Variants in FAM193A observed in about 807,000 individuals in gnomAD.
FAM193A encodes family with sequence similarity 193 member A, also known as protein FAM193A.
Under a neutral mutation model 126.5 loss-of-function variants are expected in FAM193A, and 22 were observed. That is an observed-to-expected ratio of 0.17 (90% CI 0.12 to 0.25). The LOEUF (loss-of-function observed/expected upper bound fraction) is 0.25. Among genes scored for constraint, FAM193A ranks in the 10% least tolerant of loss-of-function variants. The probability of loss-of-function intolerance (pLI) is 1.00; values close to 1 mark genes in which losing one functional copy is unlikely to be tolerated. For missense variants in FAM193A, 1,675 were observed against 1,672.8 expected, an observed-to-expected ratio of 1.00 and a Z score of -0.02; for synonymous variants, 761 against 646.8, an observed-to-expected ratio of 1.18 and a Z score of -2.68.
chr4:2,613,981 A>G (rs1742039631), intron 2 of FAM193A, among the ~76,000 whole-genome samples: 1 of 147,528 alleles, frequency 6.8e-6, no homozygotes, highest in Non-Finnish European at 1.5e-5. Flanking sequence ...CACCATGTTG[A>G]CCAGGCTGGT....
chr4:2,686,385 G>T (rs1715743067), intron 13 of FAM193A, among the ~76,000 whole-genome samples: 1 of 152,188 alleles, frequency 6.6e-6, no homozygotes, highest in Admixed American at 6.5e-5. Context: ...CCCTGTGCTA[G>T]ACTCTAGGAA....
At chr4:2,630,855 C>T (rs2108997512) in intron 4 of FAM193A, 80 bp from the exon 5 acceptor site, 1 of 779,840 alleles carries the variant, frequency 1.3e-6, no homozygotes, top group Non-Finnish European at 2.1e-6. Flanking sequence ...TGTGGAAGGG[C>T]TTCAGAAAAG....
At chr4:2,622,428 C>T (rs761524425) in intron 2 of FAM193A, among the ~76,000 whole-genome samples, 4 of 152,010 alleles carry the variant, frequency 2.6e-5, no homozygotes, top group Non-Finnish European at 4.4e-5. Flanking sequence ...GGCACTGGAG[C>T]GGAGACTTGG....
At chr4:2,535,811 T>C (rs1449352783), upstream of FAM193A, among the ~76,000 whole-genome samples, 1 of 151,906 alleles carries the variant, frequency 6.6e-6, no homozygotes, top group African/African-American at 2.4e-5. Context: ...CTTAACGGGA[T>C]AGCAGGGAGA....
chr4:2,597,791 A>T (rs1379619852), intron 2 of FAM193A, among the ~76,000 whole-genome samples: 1 of 152,138 alleles, frequency 6.6e-6, no homozygotes, highest in Non-Finnish European at 1.5e-5. Flanking sequence ...TTTTTACTTA[A>T]AAAATGTTCA....
chr4:2,716,047 T>C lies in FAM193A; in HGVS notation c.4397T>C (p.Ile1466Thr), dbSNP rs756003825. 4 of 1,604,498 alleles carry C rather than the reference T, an allele frequency of 2.5e-6. No homozygotes were observed. The highest frequency in any genetic ancestry group is 2.6e-6 in the Non-Finnish European group (3 of 1,171,242). ...SIDDVFLPKD[I>T]DLDSVDMDET... ...GATGATGTCTTTCTACCTAAAGATA[T>C]TGACCTAGACAGTGTGGATATGGAT... The change falls in exon 20 of 21, where the codon ATT becomes ACT. Residue 1466 changes from isoleucine to threonine, a missense_variant. Physicochemically the swap from Ile to Thr is moderately conservative, Grantham distance 89. This residue lies in a region of FAM193A where 415 missense variants were observed against 396.7 expected (regional missense o/e 1.05). Coordinates refer to ENST00000637812, the MANE Select transcript of FAM193A (RefSeq NM_001366318.2).
chr4:2,621,718 G>A (rs551258919), intron 2 of FAM193A, among the ~76,000 whole-genome samples: 1 of 152,312 alleles, frequency 6.6e-6, no homozygotes, highest in East Asian at 1.9e-4. Flanking sequence ...GGAAGAATGG[G>A]TGGATTGTGG....
chr4:2,549,436 G>T (rs1416017170), intron 1 of FAM193A, among the ~76,000 whole-genome samples: 1 of 113,390 alleles, frequency 8.8e-6, no homozygotes, highest in Non-Finnish European at 1.7e-5. Flanking sequence ...TCGCTCTGTC[G>T]CCCAGGCTGG....
intron 7 of FAM193A, among the ~76,000 whole-genome samples, chr4:2,651,901 C>T (rs745454173): frequency 6.6e-6 from 1 of 152,092 alleles, no homozygotes. Context: ...GTCCAGACCC[C>T]GTGTAGATGT....
intron 19 of FAM193A, among the ~76,000 whole-genome samples, chr4:2,714,364 G>A (rs925074330): frequency 5.3e-5 from 8 of 152,216 alleles, no homozygotes; most frequent in Non-Finnish European, 1.2e-4. Flanking sequence ...TCACTCTCCA[G>A]TCACATCCGC....
intron 19 of FAM193A, among the ~76,000 whole-genome samples, chr4:2,705,219 T>C (rs1718174250): frequency 6.6e-6 from 1 of 152,220 alleles, no homozygotes; most frequent in South Asian, 2.1e-4. Flanking sequence ...CAAGAATTTT[T>C]TTATATGGTA....
intron 2 of FAM193A, among the ~76,000 whole-genome samples, chr4:2,615,580 G>C (rs927892018): frequency 6.6e-6 from 1 of 152,128 alleles, no homozygotes; most frequent in African/African-American, 2.4e-5. Flanking sequence ...GTGCAGTGGT[G>C]CGATCTCGGC....
In FAM193A at chr4:2,550,467, G is replaced by A. The variant is rs969447820; in HGVS notation, c.255+13297G>A. 1.3e-5 allele frequency among the ~76,000 whole-genome samples: 2 copies of A among 151,856 alleles called. 1 individual carries two copies. Among genetic ancestry groups the A allele is most frequent in the Admixed American group, 1.3e-4 (2 of 15,210 alleles). On this transcript the variant is annotated intron_variant, in intron 1 of 20. Coordinates refer to ENST00000637812, the MANE Select transcript of FAM193A (RefSeq NM_001366318.2). ...TTGTTTATTTTTGAGGCAGAGTTTC[G>A]CTCTTGGTGCCCAGGCTGCAGTGTA...
intron 5 of FAM193A, 45 bp downstream of exon 5, chr4:2,631,214 G>C: frequency 6.5e-7 from 1 of 1,548,884 alleles, no homozygotes; most frequent in Non-Finnish European, 8.8e-7. Flanking sequence ...ATGAGCTGAA[G>C]AGAAGCATGT....
intron 2 of FAM193A, among the ~76,000 whole-genome samples, chr4:2,597,352 GTTT>G (rs1025012611): frequency 6.6e-6 from 1 of 152,066 alleles, no homozygotes; most frequent in African/African-American, 2.4e-5. Flanking sequence ...TTTTTTGTTT[GTTT>G]TTTTACCAAT....
At chr4:2,623,263 G>A (rs191052821) in intron 2 of FAM193A, among the ~76,000 whole-genome samples, 12 of 151,964 alleles carry the variant, frequency 7.9e-5, no homozygotes, top group African/African-American at 1.2e-4. Context: ...CTCTGCCTTC[G>A]GGTTCAAGCA....
intron 1 of FAM193A, among the ~76,000 whole-genome samples, chr4:2,557,272 A>G (rs975408103): frequency 1.3e-5 from 2 of 152,160 alleles, no homozygotes; most frequent in African/African-American, 2.4e-5. Context: ...ATCACAGGTA[A>G]CTCAAACCAC....
chr4:2,601,096 G>C (rs895529073), intron 2 of FAM193A, among the ~76,000 whole-genome samples: 2 of 152,070 alleles, frequency 1.3e-5, no homozygotes, highest in African/African-American at 4.8e-5. Context: ...CTGCAGTCTG[G>C]GCAGCACAGT....
intron 1 of FAM193A, among the ~76,000 whole-genome samples, chr4:2,557,521 A>G (rs1198734820): frequency 6.6e-6 from 1 of 152,188 alleles, no homozygotes; most frequent in Non-Finnish European, 1.5e-5. Context: ...AGCAGCCCAG[A>G]ATTTTCATTC....
Sources: gnomAD v4.1 joint callset for allele counts (sites outside exome capture counted in the v4.1 genomes callset) on GRCh38, gnomAD v4.1.1 for gene constraint, gnomAD v4.1.1 regional missense constraint, MANE v1.5 for transcripts, NCBI Gene and HGNC (gene_info 2026-07-23, HGNC 2026-07-21) for gene names.